TBPL1: variants seen among roughly 807,000 people sequenced by gnomAD.
TBPL1 encodes the protein TATA-box binding protein like 1.
TBPL1 carries 4 observed loss-of-function variants against 22.1 expected under a neutral mutation model. The ratio of observed to expected loss-of-function variants is 0.18; its 90% CI spans 0.09 to 0.41. The LOEUF (loss-of-function observed/expected upper bound fraction) is 0.41. Among genes scored for constraint, TBPL1 ranks in the 10% least tolerant of loss-of-function variants. The probability of loss-of-function intolerance (pLI) is 1.00; values close to 1 mark genes in which losing one functional copy is unlikely to be tolerated. For synonymous variants in TBPL1, 64 were observed against 71.0 expected (o/e 0.90, Z 0.50); for missense variants, 115 against 222.3 (o/e 0.52, Z 3.07).
At chr6:133,965,579 T>G (rs1459521143) in intron 1 of TBPL1, among the ~76,000 whole-genome samples, 1 of 152,034 alleles carries the variant, frequency 6.6e-6, no homozygotes, top group Non-Finnish European at 1.5e-5. Context: ...TTGCTTTGAT[T>G]TGATGGTTTT....
intron 1 of TBPL1, among the ~76,000 whole-genome samples, chr6:133,964,573 C>T (rs1436215589): frequency 6.6e-6 from 1 of 150,928 alleles, no homozygotes; most frequent in African/African-American, 2.4e-5. Context: ...GCCTCAGCCT[C>T]CGAGTAGCTG....
At position 133,980,057 on chromosome 6, in the gene TBPL1, G is replaced by C. The variant is rs1776381646; in HGVS notation, c.-44-25G>C. ...TGAATTAACAACATTTAAGTTTAAT[G>C]ACTTTATTTTGTTTTATTTCTCAGG... On this transcript the variant is annotated intron_variant, in intron 1 of 6. Coordinates refer to ENST00000237264, the MANE Select transcript of TBPL1 (RefSeq NM_004865.4). 8.8e-6 allele frequency: 12 copies of C among 1,371,016 alleles called. No homozygotes were observed. The African/African-American group carries it at 1.5e-4, about 17-fold the overall frequency. The allele number at this position is 1,371,016 out of a possible 1,614,324, so 84.9% of individuals were successfully genotyped here.
At chr6:133,984,872 C>G in intron 6 of TBPL1, 1 of 534,738 alleles carries the variant, frequency 1.9e-6, no homozygotes, top group Non-Finnish European at 3.3e-6. Flanking sequence ...TATTTTGTGT[C>G]TTTTTTCACT....
chr6:133,952,774 AC>A (rs1457483190), upstream of TBPL1: 2 of 151,914 alleles, frequency 1.3e-5, no homozygotes, highest in Non-Finnish European at 2.9e-5. This position sits in a 1 kb window ranked among gnomAD's most constrained non-coding sequence, Gnocchi z 4.5. Flanking sequence ...GGTGGGGAGG[AC>A]CTTTTGTATA....
chr6:133,969,091 A>G (rs1035164605), intron 1 of TBPL1: 1 of 152,180 alleles, frequency 6.6e-6, no homozygotes, highest in Non-Finnish European at 1.5e-5. Flanking sequence ...ATATTGCAAA[A>G]TATTTCATTT....
intron 1 of TBPL1, among the ~76,000 whole-genome samples, chr6:133,963,053 T>C (rs1395161471): frequency 1.3e-5 from 2 of 152,214 alleles, no homozygotes; most frequent in African/African-American, 2.4e-5. Context: ...TGCCATTGAA[T>C]TCAGCAATGA....
At chr6:133,967,639 ACTGT>A (rs1168290690) in intron 1 of TBPL1, among the ~76,000 whole-genome samples, 3 of 152,182 alleles carry the variant, frequency 2.0e-5, no homozygotes, top group Non-Finnish European at 4.4e-5. Context: ...TTTACTGAGT[ACTGT>A]AGGCAGTTGT....
chr6:133,956,396 C>T (rs1008730798), intron 1 of TBPL1, among the ~76,000 whole-genome samples: 3 of 152,126 alleles, frequency 2.0e-5, no homozygotes, highest in African/African-American at 7.2e-5. Flanking sequence ...GCTTTTTGTG[C>T]ACTTGTAGGT....
At chr6:133,975,711 A>T (rs927999518) in intron 1 of TBPL1, among the ~76,000 whole-genome samples, 15 of 152,200 alleles carry the variant, frequency 9.9e-5, no homozygotes, top group Non-Finnish European at 2.1e-4. Context: ...GGAATATAAC[A>T]CTGTGTATAA....
At chr6:133,962,540 G>T (rs1776042448) in intron 1 of TBPL1, among the ~76,000 whole-genome samples, 1 of 152,206 alleles carries the variant, frequency 6.6e-6, no homozygotes, top group Non-Finnish European at 1.5e-5. Flanking sequence ...CAAGGAGATA[G>T]AGCAAGATTT....
At chr6:133,972,611 T>G (rs943167155) in intron 1 of TBPL1, among the ~76,000 whole-genome samples, 7 of 152,160 alleles carry the variant, frequency 4.6e-5, no homozygotes, top group Non-Finnish European at 8.8e-5. Context: ...CAATAAAACT[T>G]TTGCAAAACA....
chr6:133,962,603 C>G (rs1351953883), intron 1 of TBPL1, among the ~76,000 whole-genome samples: 1 of 152,106 alleles, frequency 6.6e-6, no homozygotes, highest in Non-Finnish European at 1.5e-5. Context: ...ATAGATATGC[C>G]TAATAGATGA....
intron 1 of TBPL1, among the ~76,000 whole-genome samples, chr6:133,962,900 G>A (rs1011241107): frequency 1.3e-5 from 2 of 152,194 alleles, no homozygotes; most frequent in Non-Finnish European, 2.9e-5. Context: ...CTGATTTAAG[G>A]AACAGACAGA....
At chr6:133,970,894 A>C (rs763975982) in intron 1 of TBPL1, among the ~76,000 whole-genome samples, 1 of 152,116 alleles carries the variant, frequency 6.6e-6, no homozygotes, top group Admixed American at 6.5e-5. Context: ...ATAGTGATCA[A>C]ATCAGGGTAG....
intron 3 of TBPL1, 40 bp from the exon 4 acceptor site, chr6:133,982,777 C>T (rs781384159): frequency 1.3e-6 from 2 of 1,597,866 alleles, no homozygotes; most frequent in East Asian, 4.5e-5. Context: ...CATTTATTTC[C>T]TGTGTAACTG....
At chr6:133,960,940 A>G (rs1776012788) in intron 1 of TBPL1, among the ~76,000 whole-genome samples, 2 of 152,224 alleles carry the variant, frequency 1.3e-5, no homozygotes, top group Non-Finnish European at 1.5e-5. Context: ...CTTTTCTTAC[A>G]TCAGAAATAT....
At chr6:133,955,538 G>A (rs1775912375) in intron 1 of TBPL1, among the ~76,000 whole-genome samples, 2 of 152,078 alleles carry the variant, frequency 1.3e-5, no homozygotes, top group South Asian at 4.2e-4. Context: ...GAAAATTGGA[G>A]TGGTCATGTT....
intron 1 of TBPL1, among the ~76,000 whole-genome samples, chr6:133,965,616 T>C (rs1480264969): frequency 6.6e-6 from 1 of 152,000 alleles, no homozygotes; most frequent in Non-Finnish European, 1.5e-5. Flanking sequence ...TGTGGGTTTT[T>C]TTTTTTAATT....
chr6:133,953,491 G>A (rs1320884328), intron 1 of TBPL1, 66 bp downstream of exon 1: 2 of 152,872 alleles, frequency 1.3e-5, no homozygotes, highest in Non-Finnish European at 2.9e-5. Context: ...CACCGGGTGC[G>A]GGGCGTCTGG....
Sources: allele counts gnomAD v4.1 joint callset (sites outside exome capture counted in the v4.1 genomes callset), GRCh38; gene constraint gnomAD v4.1.1; non-coding constraint Gnocchi (gnomAD v3.1); transcripts MANE v1.5; gene names NCBI Gene and HGNC (gene_info 2026-07-23, HGNC 2026-07-21).